The following GABRG3 variants were observed in gnomAD, a reference collection of about 807,000 sequenced individuals.
GABRG3 encodes gamma-aminobutyric acid receptor subunit gamma-3.
A neutral mutation model predicts 48.8 loss-of-function variants in GABRG3; 25 were observed. That is an observed-to-expected ratio of 0.51 (90% CI 0.37 to 0.72). GABRG3 has a LOEUF of 0.72. GABRG3 is among the 30% of genes least tolerant of loss of function. The pLI is 0.00. For missense variants in GABRG3, 394 were observed against 577.9 expected, an observed-to-expected ratio of 0.68 and a Z score of 3.26; for synonymous variants, 227 against 217.6, an observed-to-expected ratio of 1.04 and a Z score of -0.38.
At chr15:26,984,966 C>T (rs1895124949) in intron 2 of GABRG3, among the ~76,000 whole-genome samples, 1 of 152,190 alleles carries the variant, frequency 6.6e-6, no homozygotes, top group Admixed American at 6.6e-5. Context: ...CTTGTCTTGG[C>T]CGTATCAATG....
rs560878662 is a variant in GABRG3, at chr15:27,477,501, A to G, written c.575-3149A>G. 1.4e-4 allele frequency among the ~76,000 whole-genome samples: 22 copies of G among 152,320 alleles called. No individual in the cohort carries two copies. The East Asian group carries it at 2.9e-3, about 20-fold the overall frequency. The stretch of plus-strand genomic sequence containing the variant: ...TGTACAATACTGCAGTGGTGGATAC[A>G]TGTCATTATTCATTTGTCCAAACCC... On this transcript the variant is annotated intron_variant, in intron 5 of 9. Coordinates refer to ENST00000615808, the MANE Select transcript of GABRG3 (RefSeq NM_033223.5).
intron 3 of GABRG3, among the ~76,000 whole-genome samples, chr15:27,318,037 A>G (rs1051333004): frequency 1.3e-5 from 2 of 152,148 alleles, no homozygotes; most frequent in African/African-American, 2.4e-5. Flanking sequence ...ATTACATACA[A>G]TAAAAACCGT....
Position 27,065,525 on chromosome 15 carries a change from C to T in GABRG3, c.270+38704C>T, listed in dbSNP as rs577802274. ...GCTGCTGTGAGTAGCCAGTGGGTCT[C>T]GGTTCCTTCCATTCCCAATATCCCC... On this transcript the variant is annotated intron_variant, in intron 3 of 9. Coordinates refer to ENST00000615808, the MANE Select transcript of GABRG3 (RefSeq NM_033223.5). Among the ~76,000 whole-genome samples the T allele has an allele frequency of 7.7e-4, 117 of 152,310 alleles. 3 individuals carry two copies. In the South Asian group the frequency reaches 0.023, roughly 30 times the overall value.
chr15:27,286,039 A>T (rs1019293643), intron 3 of GABRG3, among the ~76,000 whole-genome samples: 20 of 152,252 alleles, frequency 1.3e-4, no homozygotes, highest in African/African-American at 4.3e-4. Flanking sequence ...TTAAAAACTA[A>T]GTAATCATGG....
intron 5 of GABRG3, among the ~76,000 whole-genome samples, chr15:27,331,642 G>A (rs1353602863): frequency 6.6e-6 from 1 of 152,116 alleles, no homozygotes; most frequent in African/African-American, 2.4e-5. Context: ...TGTCATGTTG[G>A]ACATATTTGT....
At chr15:27,208,590 G>T in intron 3 of GABRG3, 1 of 174,242 alleles carries the variant, frequency 5.7e-6, no homozygotes, top group Non-Finnish European at 1.2e-5. Context: ...CTGTCTGAGA[G>T]CAGGTCACTG....
chr15:27,232,416 G>A (rs907423005), intron 3 of GABRG3, among the ~76,000 whole-genome samples: 4 of 152,124 alleles, frequency 2.6e-5, no homozygotes, highest in African/African-American at 4.8e-5. Context: ...CATCTTACCC[G>A]GGCGTCCACC....
At chr15:27,479,413 G>C (rs976807993) in intron 5 of GABRG3, among the ~76,000 whole-genome samples, 1 of 152,092 alleles carries the variant, frequency 6.6e-6, no homozygotes. Flanking sequence ...TAATTTCACC[G>C]GGCAACCCAC....
At position 27,477,856 on chromosome 15, in the gene GABRG3, T is replaced by C. The variant is rs372050279; in HGVS notation, c.575-2794T>C. ...GAGATCAAGACCATCCTGGCTAACA[T>C]GGTGAAACCCCGTCTCTACCCAAAA... On this transcript the variant is annotated intron_variant, in intron 5 of 9. Transcript: ENST00000615808. Among the ~76,000 whole-genome samples the C allele has an allele frequency of 1.0e-3, 152 of 152,158 alleles. 1 individual carries two copies. Among genetic ancestry groups the C allele is most frequent in the Non-Finnish European group, 5.7e-4 (39 of 67,994 alleles).
chr15:27,099,246 A>G (rs2140363350), intron 3 of GABRG3, among the ~76,000 whole-genome samples: 1 of 152,292 alleles, frequency 6.6e-6, no homozygotes, highest in South Asian at 2.1e-4. Context: ...CACTCTGATG[A>G]CAGTAGACTG....
intron 3 of GABRG3, among the ~76,000 whole-genome samples, chr15:27,299,896 A>G (rs1042415780): frequency 3.3e-5 from 5 of 152,204 alleles, no homozygotes; most frequent in Non-Finnish European, 5.9e-5. Context: ...GCTTGCAGAA[A>G]GAAAAGAGGT....
At chr15:27,193,423 G>A (rs1799161422) in intron 3 of GABRG3, among the ~76,000 whole-genome samples, 1 of 151,966 alleles carries the variant, frequency 6.6e-6, no homozygotes, top group Non-Finnish European at 1.5e-5. Flanking sequence ...CTGGGCAATG[G>A]CGGGCGCCCC....
intron 2 of GABRG3, among the ~76,000 whole-genome samples, chr15:26,989,368 G>A (rs1895207133): frequency 6.6e-6 from 1 of 152,070 alleles, no homozygotes; most frequent in South Asian, 2.1e-4. Flanking sequence ...AAATAATGAT[G>A]CTATGAATAT....
At chr15:27,456,687 G>C (rs1889290750) in intron 5 of GABRG3, among the ~76,000 whole-genome samples, 1 of 152,164 alleles carries the variant, frequency 6.6e-6, no homozygotes, top group Non-Finnish European at 1.5e-5. Context: ...GGGGACTGCA[G>C]GGCTCATAGC....
At chr15:27,472,126 G>C (rs1034778212) in intron 5 of GABRG3, among the ~76,000 whole-genome samples, 3 of 152,004 alleles carry the variant, frequency 2.0e-5, no homozygotes, top group Non-Finnish European at 4.4e-5. Context: ...GTTTGGCTCA[G>C]TAATAACTTA....
At chr15:27,278,837 T>A (rs1275320678) in intron 3 of GABRG3, among the ~76,000 whole-genome samples, 1 of 152,170 alleles carries the variant, frequency 6.6e-6, no homozygotes, top group African/African-American at 2.4e-5. Context: ...AAGCGTATGT[T>A]GAGTTTTGTA....
At chr15:27,135,511 A>G (rs749990057) in intron 3 of GABRG3, among the ~76,000 whole-genome samples, 4 of 151,722 alleles carry the variant, frequency 2.6e-5, no homozygotes, top group Non-Finnish European at 5.9e-5. Context: ...GATCATTTGG[A>G]TGGATCAGAC....
chr15:27,023,534 G>T (rs1450045890), intron 2 of GABRG3, among the ~76,000 whole-genome samples: 1 of 152,198 alleles, frequency 6.6e-6, no homozygotes, highest in African/African-American at 2.4e-5. Flanking sequence ...GAGTGCCGTA[G>T]AAGGCTTATA....
intron 3 of GABRG3, among the ~76,000 whole-genome samples, chr15:27,108,033 A>T (rs777705901): frequency 6.6e-6 from 1 of 150,470 alleles, no homozygotes; most frequent in Non-Finnish European, 1.5e-5. Context: ...GGTTATGTTG[A>T]TTTTCTCTAT....
Sources: allele counts gnomAD v4.1 joint callset (sites outside exome capture counted in the v4.1 genomes callset), GRCh38; gene constraint gnomAD v4.1.1; transcripts MANE v1.5; gene names NCBI Gene and HGNC (gene_info 2026-07-23, HGNC 2026-07-21).